ZHX3: variants seen among roughly 807,000 people sequenced by gnomAD.
The protein encoded by ZHX3 is zinc fingers and homeoboxes 3.
Under a neutral mutation model 64.5 loss-of-function variants are expected in ZHX3, and 20 were observed. The observed-to-expected ratio is 0.31, with a 90% confidence interval of 0.22 to 0.45. The LOEUF (loss-of-function observed/expected upper bound fraction) is 0.45, where lower values mean the gene tolerates loss of function less well. Among genes scored for constraint, ZHX3 ranks in the 20% least tolerant of loss-of-function variants. The pLI is 1.00. For synonymous variants in ZHX3, 423 were observed against 461.6 expected, an observed-to-expected ratio of 0.92 and a Z score of 1.07; for missense variants, 1,041 against 1,195.8, an observed-to-expected ratio of 0.87 and a Z score of 1.91.
At chr20:41,208,027 A>G (rs1185995241) in intron 2 of ZHX3, among the ~76,000 whole-genome samples, 1 of 152,270 alleles carries the variant, frequency 6.6e-6, no homozygotes, top group Non-Finnish European at 1.5e-5. Flanking sequence ...CCGATCCCAT[A>G]GAAATACAAA....
In ZHX3 at chr20:41,212,017, C is replaced by T. The variant is rs1361446921; in HGVS notation, c.-150-6951G>A. On this transcript the variant is annotated intron_variant, in intron 2 of 3. Coordinates refer to ENST00000683867, the MANE Select transcript of ZHX3 (RefSeq NM_001384317.1). This position sits in a 1 kb window ranked among gnomAD's most constrained non-coding sequence, Gnocchi z 4.3. ...ACATCAAGTAGAATATCTGAAAGCA[C>T]AAACGACAAAAGAAAAAACAGATAA... Among the ~76,000 whole-genome samples the T allele has an allele frequency of 1.3e-5, 2 of 152,046 alleles. No individual in the cohort carries two copies. Among genetic ancestry groups the T allele is most frequent in the Admixed American group, 6.6e-5 (1 of 15,258 alleles).
intron 1 of ZHX3, among the ~76,000 whole-genome samples, chr20:41,274,470 T>C (rs1002187538): frequency 6.6e-6 from 1 of 152,160 alleles, no homozygotes; most frequent in Admixed American, 6.5e-5. Context: ...AGGGTGTCGG[T>C]TGGAGAGGAA....
chr20:41,203,615 A>C lies in ZHX3; in HGVS notation c.1302T>G (p.Asn434Lys). The change falls in exon 3 of 4, where the codon AAT (asparagine) becomes AAG (lysine). Residue 434 changes from asparagine to lysine, a missense_variant. Physicochemically the swap from Asn to Lys is moderately conservative, Grantham distance 94 (BLOSUM62 0). Transcript: ENST00000683867. The surrounding 1 kb of genome is among the most constrained non-coding windows in gnomAD (Gnocchi z 7.1). ...GAGGGGAACTTGTTGCTTGCAACCC[A>C]TTGGCCATCAATGGCTGAGTGACCA... ...GLLVTQPLMANGLQATSSPLP... is the reference protein window; with the variant it reads ...GLLVTQPLMAKGLQATSSPLP... The C allele has an allele frequency of 3.7e-6, 6 of 1,614,204 alleles. No homozygotes were observed. The highest frequency in any genetic ancestry group is 4.2e-6 in the Non-Finnish European group (5 of 1,180,024).
chr20:41,237,495 C>G (rs1035283729), intron 2 of ZHX3, among the ~76,000 whole-genome samples: 1 of 152,184 alleles, frequency 6.6e-6, no homozygotes, highest in African/African-American at 2.4e-5. Context: ...CCATCATTCT[C>G]AGCAAACTAT....
intron 3 of ZHX3, chr20:41,197,228 T>C (rs1185640116): frequency 6.8e-6 from 1 of 147,266 alleles, no homozygotes; most frequent in African/African-American, 2.5e-5. Flanking sequence ...TTATATATAA[T>C]TGTATATATT....
At chr20:41,306,076 T>C (rs1188995524) in intron 1 of ZHX3, among the ~76,000 whole-genome samples, 1 of 152,214 alleles carries the variant, frequency 6.6e-6, no homozygotes, top group African/African-American at 2.4e-5. Flanking sequence ...TCTACGACTT[T>C]AAAGATAACT....
chr20:41,244,215 G>A (rs960357906), intron 2 of ZHX3, among the ~76,000 whole-genome samples: 2 of 152,150 alleles, frequency 1.3e-5, no homozygotes, highest in Non-Finnish European at 2.9e-5. Context: ...GAGAACCAGT[G>A]CCTTTGGTGA....
chr20:41,306,178 G>C (rs1396689801), intron 1 of ZHX3, among the ~76,000 whole-genome samples: 1 of 152,052 alleles, frequency 6.6e-6, no homozygotes, highest in Non-Finnish European at 1.5e-5. Context: ...TTCAAGCATT[G>C]TATTTGGGGA....
intron 1 of ZHX3, chr20:41,272,162 A>G (rs1389159388): frequency 6.6e-6 from 1 of 152,206 alleles, no homozygotes; most frequent in Non-Finnish European, 1.5e-5. Context: ...TAAAAATGAA[A>G]AAGTAAAACT....
intron 2 of ZHX3, among the ~76,000 whole-genome samples, chr20:41,246,093 C>T (rs1422329375): frequency 6.6e-6 from 1 of 152,194 alleles, no homozygotes; most frequent in Non-Finnish European, 1.5e-5. Context: ...TTTGCATCTC[C>T]TTTCCTAGGC....
At chr20:41,254,973 C>A (rs1052926835) in intron 2 of ZHX3, among the ~76,000 whole-genome samples, 1 of 151,806 alleles carries the variant, frequency 6.6e-6, no homozygotes, top group Non-Finnish European at 1.5e-5. Flanking sequence ...TGAGGAAGAC[C>A]AAAGAAGACT....
chr20:41,298,944 T>C (rs2044672629), intron 1 of ZHX3, among the ~76,000 whole-genome samples: 1 of 147,484 alleles, frequency 6.8e-6, no homozygotes, highest in Non-Finnish European at 1.5e-5. Flanking sequence ...AAGACTGTTC[T>C]TGTGCTAACC....
chr20:41,243,164 G>A (rs2041489717), intron 2 of ZHX3, among the ~76,000 whole-genome samples: 1 of 152,182 alleles, frequency 6.6e-6, no homozygotes. Context: ...GGGAGTCAGA[G>A]GCATATGGGA....
chr20:41,243,598 A>G (rs1037719505), intron 2 of ZHX3, among the ~76,000 whole-genome samples: 6 of 152,128 alleles, frequency 3.9e-5, no homozygotes, highest in Non-Finnish European at 8.8e-5. Context: ...ACCAGACTGA[A>G]TCTCCTGACA....
chr20:41,218,420 G>A (rs115732720), intron 2 of ZHX3, among the ~76,000 whole-genome samples: 3,818 of 151,860 alleles, frequency 0.025, 160 homozygotes, highest in African/African-American at 0.086. Flanking sequence ...CTTTAGCCTG[G>A]GCAACAGAGC....
intron 2 of ZHX3, among the ~76,000 whole-genome samples, chr20:41,221,879 C>T (rs1018118256): frequency 3.3e-5 from 5 of 152,066 alleles, no homozygotes. Flanking sequence ...CAGAGCTGGG[C>T]GGCGGTAGTA....
rs1242186347 is a variant in ZHX3 at position 41,202,042 on chromosome 20, C to A, written c.2860+15G>T. 1 of 1,574,294 alleles carries A rather than the reference C, an allele frequency of 6.4e-7. No homozygotes were observed. The highest frequency in any genetic ancestry group is 2.2e-5 in the East Asian group (1 of 44,540). On this transcript the variant is annotated intron_variant, in intron 3 of 3. Transcript: ENST00000683867. The surrounding 1 kb of genome is among the most constrained non-coding windows in gnomAD (Gnocchi z 7.0). ...TACCCACACAGGATAGCCATGGCCC[C>A]TGTGGACTCCTTACCGAGCTGACGT... is the stretch of plus-strand genomic sequence containing the variant.
rs927652787 is a variant in ZHX3, at chr20:41,212,260, G to T, written c.-150-7194C>A. Among the ~76,000 whole-genome samples the T allele has an allele frequency of 2.6e-5, 4 of 152,004 alleles. No homozygotes were observed. Among genetic ancestry groups the T allele is most frequent in the Admixed American group, 1.3e-4 (2 of 15,256 alleles). On this transcript the variant is annotated intron_variant, in intron 2 of 3. Transcript: ENST00000683867. This position sits in a 1 kb window ranked among gnomAD's most constrained non-coding sequence, Gnocchi z 4.3. ...CTTCTCCAAAGAAGATATACAAATG[G>T]CCAGTAAAGCACATAAAAAACTGCT...
chr20:41,255,796 G>T (rs1465763290), intron 2 of ZHX3, among the ~76,000 whole-genome samples: 2 of 152,154 alleles, frequency 1.3e-5, no homozygotes, highest in African/African-American at 4.8e-5. Flanking sequence ...GGAAGGGAGA[G>T]GTGTCCATGC....
Sources: allele counts gnomAD v4.1 joint callset (sites outside exome capture counted in the v4.1 genomes callset), GRCh38; gene constraint gnomAD v4.1.1; non-coding constraint Gnocchi (gnomAD v3.1); transcripts MANE v1.5; gene names NCBI Gene and HGNC (gene_info 2026-07-23, HGNC 2026-07-21).